ARHGEF38: variants seen among roughly 807,000 people sequenced by gnomAD.
ARHGEF38 encodes the protein Rho guanine nucleotide exchange factor (GEF) 38.
In ARHGEF38, 79 loss-of-function variants were observed where a neutral mutation model predicts 79.9. The ratio of observed to expected loss-of-function variants is 0.99; its 90% confidence interval spans 0.82 to 1.19. The LOEUF (loss-of-function observed/expected upper bound fraction) is 1.19. Among genes scored for constraint, ARHGEF38 ranks in the 50% most tolerant of loss-of-function variants. The pLI, the probability that ARHGEF38 is intolerant of heterozygous loss-of-function variation, is 0.00. For missense variants in ARHGEF38, 962 were observed against 907.2 expected (o/e 1.06, Z -0.78); for synonymous variants, 366 against 328.3 (o/e 1.11, Z -1.24).
At chr4:105,669,378 G>A (rs1730881821) in intron 13 of ARHGEF38, among the ~76,000 whole-genome samples, 1 of 152,060 alleles carries the variant, frequency 6.6e-6, no homozygotes, top group Non-Finnish European at 1.5e-5. Context: ...AATATTTCAA[G>A]GAAGGGGCTT....
At chr4:105,563,262 A>G (rs961707749) in intron 1 of ARHGEF38, 1 of 152,248 alleles carries the variant, frequency 6.6e-6, no homozygotes. Context: ...GAAATGCCAA[A>G]AGAAAATACA....
intron 7 of ARHGEF38, among the ~76,000 whole-genome samples, chr4:105,653,426 G>A (rs778601171): frequency 1.8e-4 from 28 of 151,420 alleles, no homozygotes; most frequent in South Asian, 6.3e-4. Context: ...GGGTTCAAGC[G>A]ACTCTCCTGC....
intron 5 of ARHGEF38, among the ~76,000 whole-genome samples, chr4:105,641,670 A>G (rs1453680249): frequency 2.6e-5 from 4 of 151,950 alleles, no homozygotes. Context: ...TCTTTTTTTT[A>G]TGTATTTTTT....
intron 6 of ARHGEF38, among the ~76,000 whole-genome samples, chr4:105,645,742 G>C (rs1222928962): frequency 6.6e-6 from 1 of 152,194 alleles, no homozygotes; most frequent in Admixed American, 6.6e-5. Flanking sequence ...TGCAATAGCA[G>C]TGGGAAGCAA....
chr4:105,666,001 G>C (rs1414734115), intron 10 of ARHGEF38, among the ~76,000 whole-genome samples, 176 bp from the exon 11 acceptor site: 2 of 151,984 alleles, frequency 1.3e-5, no homozygotes, highest in African/African-American at 4.8e-5. Flanking sequence ...ATGTTTGTGG[G>C]GTTTCTAGAG....
intron 3 of ARHGEF38, among the ~76,000 whole-genome samples, chr4:105,618,161 T>C (rs1201823737): frequency 6.6e-6 from 1 of 152,206 alleles, no homozygotes; most frequent in Non-Finnish European, 1.5e-5. Flanking sequence ...CTGAGCTCAA[T>C]AGATATTTCC....
At chr4:105,608,216 C>T (rs1351389175) in intron 2 of ARHGEF38, among the ~76,000 whole-genome samples, 3 of 152,062 alleles carry the variant, frequency 2.0e-5, no homozygotes, top group African/African-American at 7.2e-5. Context: ...TCTCCACATC[C>T]TCACCAATAC....
intron 2 of ARHGEF38, among the ~76,000 whole-genome samples, chr4:105,610,591 C>T (rs904309351): frequency 1.2e-4 from 18 of 151,994 alleles, no homozygotes; most frequent in African/African-American, 2.4e-4. Context: ...TAAAAGTCTA[C>T]GTGTACCAGA....
chr4:105,659,440 C>T, intron 10 of ARHGEF38, 75 bp downstream of exon 10: 1 of 1,405,356 alleles, frequency 7.1e-7, no homozygotes, highest in Admixed American at 2.3e-5. Context: ...ATACGAAAGC[C>T]CTGTTCAGAG....
intron 10 of ARHGEF38, among the ~76,000 whole-genome samples, chr4:105,665,559 C>T (rs938394075): frequency 6.6e-6 from 1 of 151,996 alleles, no homozygotes; most frequent in Non-Finnish European, 1.5e-5. Context: ...GCCTCAGCTT[C>T]CTGATTAGCT....
At chr4:105,610,422 C>T (rs139546572) in intron 2 of ARHGEF38, among the ~76,000 whole-genome samples, 1 of 152,048 alleles carries the variant, frequency 6.6e-6, no homozygotes, top group Non-Finnish European at 1.5e-5. Context: ...ATAGTGTGTA[C>T]TCAGACTGTC....
At chr4:105,618,770 C>T (rs1193369467) in intron 3 of ARHGEF38, among the ~76,000 whole-genome samples, 1 of 152,156 alleles carries the variant, frequency 6.6e-6, no homozygotes, top group African/African-American at 2.4e-5. Context: ...TCAAAACTTT[C>T]TCCCCAAGTA....
At chr4:105,589,572 G>A (rs894741402) in intron 2 of ARHGEF38, 137 bp downstream of exon 2, 133 of 768,834 alleles carry the variant, frequency 1.7e-4, no homozygotes, top group Non-Finnish European at 2.2e-4. Context: ...TCAGCTCTGG[G>A]GTTACAGTTT....
At chr4:105,588,304 T>G (rs188370783) in intron 1 of ARHGEF38, among the ~76,000 whole-genome samples, 92 of 152,358 alleles carry the variant, frequency 6.0e-4, no homozygotes, top group African/African-American at 2.1e-3. Flanking sequence ...ATGTTAACTT[T>G]AAATGAAATA....
At chr4:105,561,413 T>TGG (rs1204565989) in intron 1 of ARHGEF38, among the ~76,000 whole-genome samples, 10 of 49,916 alleles carry the variant, frequency 2.0e-4, no homozygotes, top group African/African-American at 7.6e-4. Context: ...TAGAATAGAA[T>TGG]AGAATAGAAT....
intron 11 of ARHGEF38, among the ~76,000 whole-genome samples, chr4:105,666,756 T>G (rs1260929830): frequency 6.6e-6 from 1 of 152,180 alleles, no homozygotes; most frequent in Non-Finnish European, 1.5e-5. Context: ...CTGATGATAT[T>G]TCCCAGATAA....
chr4:105,655,829 CA>C (rs1219859716), intron 9 of ARHGEF38, 107 bp downstream of exon 9: 1 of 1,203,312 alleles, frequency 8.3e-7, no homozygotes, highest in African/African-American at 1.5e-5. Flanking sequence ...TGCACTAAAG[CA>C]AATATTAATG....
At chr4:105,634,111 C>CA (rs1005681001) in intron 4 of ARHGEF38, among the ~76,000 whole-genome samples, 163 of 150,082 alleles carry the variant, frequency 1.1e-3, no homozygotes, top group African/African-American at 3.4e-3. Context: ...TGCCTCAGAC[C>CA]AAAAAAAAAT....
intron 3 of ARHGEF38, among the ~76,000 whole-genome samples, chr4:105,623,123 G>A (rs756101654): frequency 1.3e-5 from 2 of 152,170 alleles, no homozygotes; most frequent in East Asian, 1.9e-4. Context: ...CAGAATGTAC[G>A]CTCCATGAGG....
Sources: gnomAD v4.1 joint callset for allele counts (sites outside exome capture counted in the v4.1 genomes callset) on GRCh38, gnomAD v4.1.1 for gene constraint, MANE v1.5 for transcripts, NCBI Gene and HGNC (gene_info 2026-07-23, HGNC 2026-07-21) for gene names.